The following MEIS2 variants were observed in gnomAD, a reference collection of about 807,000 sequenced individuals.
The protein encoded by MEIS2 is Meis homeobox 2, also known as homeobox protein Meis2.
Under a neutral mutation model 58.6 loss-of-function variants are expected in MEIS2, and 9 were observed. That is an observed-to-expected ratio of 0.15 (90% CI 0.09 to 0.27). The LOEUF (loss-of-function observed/expected upper bound fraction) is 0.27, where lower values mean the gene tolerates loss of function less well. Among genes scored for constraint, MEIS2 ranks in the 10% least tolerant of loss-of-function variants. The pLI is 1.00. For missense variants in MEIS2, 427 were observed against 635.0 expected, an observed-to-expected ratio of 0.67 and a Z score of 3.52; for synonymous variants, 221 against 228.4, an observed-to-expected ratio of 0.97 and a Z score of 0.29.
At chr15:36,900,990 A>C (rs2056442762) in intron 9 of MEIS2, 1 of 152,224 alleles carries the variant, frequency 6.6e-6, no homozygotes, top group Non-Finnish European at 1.5e-5. Flanking sequence ...GCAGGCCTCC[A>C]TGGAGTTACC....
chr15:37,041,582 C>T (rs2062424516), intron 7 of MEIS2, among the ~76,000 whole-genome samples: 2 of 152,262 alleles, frequency 1.3e-5, no homozygotes, highest in African/African-American at 4.8e-5. Flanking sequence ...ATGAGAGTGT[C>T]TAACTGCAGG....
At chr15:37,086,365 C>T (rs762385130) in intron 6 of MEIS2, among the ~76,000 whole-genome samples, 1 of 152,112 alleles carries the variant, frequency 6.6e-6, no homozygotes, top group Non-Finnish European at 1.5e-5. Context: ...TCAAGTTAGG[C>T]CTCATTCGTT....
chr15:36,991,389 T>A (rs1487770934), intron 8 of MEIS2, among the ~76,000 whole-genome samples: 2 of 152,138 alleles, frequency 1.3e-5, no homozygotes, highest in Non-Finnish European at 2.9e-5. Flanking sequence ...AAATTAGGCC[T>A]ATTAAATGTG....
intron 9 of MEIS2, among the ~76,000 whole-genome samples, chr15:36,913,967 T>A (rs2057158675): frequency 6.6e-6 from 1 of 152,212 alleles, no homozygotes; most frequent in South Asian, 2.1e-4. Context: ...GTTCTTCCTA[T>A]GAAGAGCTAG....
chr15:37,062,025 C>T (rs557909507), intron 7 of MEIS2, among the ~76,000 whole-genome samples: 7 of 152,328 alleles, frequency 4.6e-5, no homozygotes, highest in African/African-American at 1.7e-4. Context: ...GAGCTCCTGA[C>T]ACACTAGTGT....
At chr15:36,991,945 G>A (rs1434021757) in intron 8 of MEIS2, among the ~76,000 whole-genome samples, 2 of 149,350 alleles carry the variant, frequency 1.3e-5, no homozygotes, top group African/African-American at 4.9e-5. Flanking sequence ...CTGCCACTAC[G>A]CCCGGCTAAT....
At chr15:37,046,969 C>G (rs763777260) in intron 7 of MEIS2, among the ~76,000 whole-genome samples, 1 of 152,072 alleles carries the variant, frequency 6.6e-6, no homozygotes, top group Non-Finnish European at 1.5e-5. Flanking sequence ...AGGATACTGA[C>G]TGACCCTAGT....
At position 37,098,019 on chromosome 15, in the gene MEIS2, T is replaced by A; in HGVS notation, c.193A>T (p.Met65Leu). The change falls in exon 2 of 12, where the codon ATG (methionine) becomes TTG (leucine). Residue 65 changes from methionine (M) to leucine (L), a missense_variant. By Grantham distance (15) the Met-to-Leu change is conservative. Transcript: ENST00000561208. ...AAGGCGTCGTTGACAGCGGATCCCATACTGGCCGGCATGACATTGGGGTGC... is the reference window on the plus strand; with the variant it reads ...AAGGCGTCGTTGACAGCGGATCCCAAACTGGCCGGCATGACATTGGGGTGC... ...APHPNVMPAS[M>L]GSAVNDALKR... 1 of 1,612,716 alleles carries A rather than the reference T, an allele frequency of 6.2e-7. No homozygotes were observed. The highest frequency in any genetic ancestry group is 8.5e-7 in the Non-Finnish European group (1 of 1,179,192).
At chr15:36,941,461 G>T (rs769156508) in intron 9 of MEIS2, among the ~76,000 whole-genome samples, 4 of 152,150 alleles carry the variant, frequency 2.6e-5, no homozygotes, top group Non-Finnish European at 5.9e-5. Flanking sequence ...TTGCATGCAG[G>T]TTGAGTATGC....
intron 6 of MEIS2, among the ~76,000 whole-genome samples, chr15:37,087,221 A>G (rs1346913930): frequency 6.6e-6 from 1 of 152,190 alleles, no homozygotes; most frequent in Non-Finnish European, 1.5e-5. Flanking sequence ...ACCCGAGGGC[A>G]AGGAGTGAAC....
chr15:36,912,757 C>T (rs2057093328), intron 9 of MEIS2, among the ~76,000 whole-genome samples: 1 of 148,086 alleles, frequency 6.8e-6, no homozygotes, highest in Non-Finnish European at 1.5e-5. Context: ...GGAATGCAAA[C>T]TTTATTTCTT....
At chr15:37,048,963 C>T (rs1033649294) in intron 7 of MEIS2, among the ~76,000 whole-genome samples, 7 of 152,096 alleles carry the variant, frequency 4.6e-5, no homozygotes, top group African/African-American at 1.4e-4. Flanking sequence ...CATTTTCATA[C>T]AATAGAGTTT....
rs547843502 is a variant in MEIS2 at position 37,020,597 on chromosome 15, T to C, written c.900+16217A>G. ...GGTTCTCTACTCCAAGATAAGATAGTATTTTAGAGAGCTTTATTAGTGCCT... is the reference window on the plus strand; with the variant it reads ...GGTTCTCTACTCCAAGATAAGATAGCATTTTAGAGAGCTTTATTAGTGCCT... On this transcript the variant is annotated intron_variant, in intron 8 of 11. Transcript: ENST00000561208. Among the ~76,000 whole-genome samples, 86 of 152,200 alleles carry C rather than the reference T, an allele frequency of 5.7e-4. 1 individual carries two copies. The highest frequency in any genetic ancestry group is 7.2e-4 in the Admixed American group (11 of 15,282).
At chr15:37,063,917 T>G (rs916878718) in intron 7 of MEIS2, among the ~76,000 whole-genome samples, 1 of 152,184 alleles carries the variant, frequency 6.6e-6, no homozygotes, top group Non-Finnish European at 1.5e-5. Flanking sequence ...AGCTGCAAGA[T>G]CTGTGTTGAA....
chr15:36,922,619 C>CT (rs59227539), intron 9 of MEIS2, among the ~76,000 whole-genome samples: 42,187 of 126,762 alleles, frequency 0.33, 8,461 homozygotes, highest in Non-Finnish European at 0.47. Context: ...TTCTTTCTTT[C>CT]TTTTTTTTTT....
At chr15:36,956,439 G>A (rs2058978663) in intron 8 of MEIS2, among the ~76,000 whole-genome samples, 1 of 152,066 alleles carries the variant, frequency 6.6e-6, no homozygotes, top group African/African-American at 2.4e-5. Flanking sequence ...AGAGTGCCCT[G>A]ATTTTAATTT....
chr15:36,913,925 C>A (rs1395952240), intron 9 of MEIS2, among the ~76,000 whole-genome samples: 1 of 152,150 alleles, frequency 6.6e-6, no homozygotes, highest in Non-Finnish European at 1.5e-5. Context: ...AAACTGATAT[C>A]ATATTGTGTC....
chr15:37,080,866 A>G (rs369631559), intron 7 of MEIS2, among the ~76,000 whole-genome samples: 12 of 152,252 alleles, frequency 7.9e-5, no homozygotes, highest in African/African-American at 2.6e-4. Context: ...CATTTTACCA[A>G]GTTTATTTCT....
chr15:37,096,167 C>A (rs1181672678), intron 3 of MEIS2, 122 bp downstream of exon 3: 3 of 1,105,770 alleles, frequency 2.7e-6, no homozygotes, highest in Non-Finnish European at 3.8e-6. Context: ...GCGTAGAGAG[C>A]GGACTGGGCC....
Sources: gnomAD v4.1 joint callset for allele counts (sites outside exome capture counted in the v4.1 genomes callset) on GRCh38, gnomAD v4.1.1 for gene constraint, MANE v1.5 for transcripts, NCBI Gene and HGNC (gene_info 2026-07-23, HGNC 2026-07-21) for gene names.